MSH3: variants seen among roughly 807,000 people sequenced by gnomAD.
MSH3 encodes the protein DNA mismatch repair protein Msh3.
Under a neutral mutation model 123.3 loss-of-function variants are expected in MSH3, and 106 were observed. That is an observed-to-expected ratio of 0.86 (90% CI 0.73 to 1.01). The LOEUF (loss-of-function observed/expected upper bound fraction) is 1.01. Among genes scored for constraint, MSH3 ranks in the 50% least tolerant of loss-of-function variants. The pLI is 0.00. For missense variants in MSH3, 1,459 were observed against 1,347.6 expected, an observed-to-expected ratio of 1.08 and a Z score of -1.29; for synonymous variants, 515 against 481.4, an observed-to-expected ratio of 1.07 and a Z score of -0.91.
chr5:80,815,778 A>G (rs1484249564), intron 20 of MSH3, among the ~76,000 whole-genome samples: 1 of 152,234 alleles, frequency 6.6e-6, no homozygotes, highest in East Asian at 1.9e-4. Flanking sequence ...CATAGTTGCA[A>G]GGAAAACAGA....
intron 20 of MSH3, among the ~76,000 whole-genome samples, chr5:80,843,233 C>T (rs920831092): frequency 2.6e-5 from 4 of 152,160 alleles, no homozygotes; most frequent in African/African-American, 9.7e-5. Flanking sequence ...TTGAAGCAGC[C>T]TTGCATCCCA....
intron 8 of MSH3, among the ~76,000 whole-genome samples, chr5:80,693,525 A>ATGTTTATATAAATATGCACATGTATG (rs1561446077): frequency 3.4e-5 from 5 of 146,622 alleles, no homozygotes; most frequent in Non-Finnish European, 6.0e-5. Flanking sequence ...GCACATGTAT[A>ATGTTTATATAAATATGCACATGTATG]TGTTTATATA....
rs6151635 is a variant in MSH3 at position 80,670,967 on chromosome 5, A to T, written c.792+658A>T. Among the ~76,000 whole-genome samples the T allele has an allele frequency of 3.9e-3, 588 of 152,078 alleles. 2 individuals are homozygous for T. The highest frequency in any genetic ancestry group is 0.024 in the Middle Eastern group (7 of 294). On this transcript the variant is annotated intron_variant, in intron 4 of 23. Coordinates refer to ENST00000265081, the MANE Select transcript of MSH3 (RefSeq NM_002439.5). ...AAACCGCATCTCTACTAAAAATATT[A>T]AAAAAATTAGCCCGGTGTGGTGGTG...
chr5:80,725,102 T>C (rs1165951196), intron 8 of MSH3, among the ~76,000 whole-genome samples: 1 of 151,262 alleles, frequency 6.6e-6, no homozygotes, highest in Admixed American at 6.6e-5. Flanking sequence ...TAGCTTCAGC[T>C]ACTCGGGAGG....
chr5:80,800,597 C>T (rs2112036294), intron 19 of MSH3, among the ~76,000 whole-genome samples: 1 of 152,276 alleles, frequency 6.6e-6, no homozygotes, highest in East Asian at 1.9e-4. Context: ...ATCTTGGGAA[C>T]CGTGGAAACA....
At chr5:80,754,942 T>C (rs183312211) in intron 12 of MSH3, among the ~76,000 whole-genome samples, 1 of 152,320 alleles carries the variant, frequency 6.6e-6, no homozygotes, top group East Asian at 1.9e-4. Context: ...CTTTTAACTC[T>C]GGAACTTCTA....
chr5:80,836,390 AG>A (rs1455103672), intron 20 of MSH3, among the ~76,000 whole-genome samples: 1 of 152,110 alleles, frequency 6.6e-6, no homozygotes, highest in Non-Finnish European at 1.5e-5. Flanking sequence ...GTTCTATGGG[AG>A]GGGAATCAGG....
rs762410227 is a variant in MSH3 at position 80,787,722 on chromosome 5, A to G, written c.2543+50A>G. ...TTATCAGTGCTTTAGATAAGATGAC[A>G]TTATTCAATTAATTATAGTGTCTTT... On this transcript the variant is annotated intron_variant, in intron 18 of 23. Coordinates refer to ENST00000265081, the MANE Select transcript of MSH3 (RefSeq NM_002439.5). The G allele has an allele frequency of 5.1e-6, 6 of 1,183,680 alleles. No individual in the cohort carries two copies. The Admixed American group carries it at 1.0e-4, about 20-fold the overall frequency. The allele number at this position is 1,183,680 out of a possible 1,614,324, so 73.3% of individuals were successfully genotyped here.
At chr5:80,836,327 A>G in intron 20 of MSH3, among the ~76,000 whole-genome samples, 1 of 152,186 alleles carries the variant, frequency 6.6e-6, no homozygotes. Context: ...TCTTATGTGC[A>G]AGACACTCTG....
chr5:80,681,050 T>C (rs1048223783), intron 8 of MSH3, among the ~76,000 whole-genome samples: 6 of 152,046 alleles, frequency 3.9e-5, no homozygotes, highest in African/African-American at 1.4e-4. Context: ...TTGCTAGAAA[T>C]GGTAATATCA....
At chr5:80,716,056 G>T (rs920688033) in intron 8 of MSH3, among the ~76,000 whole-genome samples, 1 of 152,164 alleles carries the variant, frequency 6.6e-6, no homozygotes, top group Non-Finnish European at 1.5e-5. Context: ...GAGGGGTAAC[G>T]TGCAGTAGGC....
intron 21 of MSH3, among the ~76,000 whole-genome samples, chr5:80,855,238 T>G (rs1383297848): frequency 6.6e-6 from 1 of 152,118 alleles, no homozygotes; most frequent in Admixed American, 6.6e-5. Flanking sequence ...TCTCTGGTCT[T>G]TCTTTCTGTT....
chr5:80,806,060 T>G (rs1744885113), intron 19 of MSH3, among the ~76,000 whole-genome samples: 1 of 152,208 alleles, frequency 6.6e-6, no homozygotes, highest in South Asian at 2.1e-4. Flanking sequence ...AAGTTTAATT[T>G]TCAAATTTCA....
At chr5:80,745,613 A>T (rs1243970102) in intron 12 of MSH3, among the ~76,000 whole-genome samples, 4 of 152,230 alleles carry the variant, frequency 2.6e-5, no homozygotes, top group African/African-American at 9.6e-5. Flanking sequence ...GCTAGACCAG[A>T]GTGAATATGG....
chr5:80,793,669 C>A (rs145358768), intron 19 of MSH3, among the ~76,000 whole-genome samples: 23 of 152,194 alleles, frequency 1.5e-4, no homozygotes, highest in Non-Finnish European at 2.9e-4. Context: ...ATTCGAGGAA[C>A]TGAAAGATGA....
chr5:80,781,475 GTTC>G (rs1744408065), intron 17 of MSH3, among the ~76,000 whole-genome samples: 1 of 146,586 alleles, frequency 6.8e-6, no homozygotes, highest in South Asian at 2.2e-4. Flanking sequence ...CTGTTACCAA[GTTC>G]TTTTTTTTTT....
intron 2 of MSH3, among the ~76,000 whole-genome samples, chr5:80,662,113 C>T (rs1202102426): frequency 6.6e-6 from 1 of 152,176 alleles, no homozygotes; most frequent in East Asian, 1.9e-4. Flanking sequence ...GGTATTTTTG[C>T]TGTACCATTT....
Position 80,658,037 on chromosome 5 carries a change from C to CTTTTT in MSH3, c.358+1515_358+1519dup, listed in dbSNP as rs397942439. 4.8e-3 allele frequency among the ~76,000 whole-genome samples: 561 copies of CTTTTT among 116,614 alleles called. 42 individuals are homozygous for CTTTTT. Among genetic ancestry groups the CTTTTT allele is most frequent in the Middle Eastern group, 0.022 (5 of 228 alleles). 76.5% of individuals were successfully genotyped at this position (116,614 alleles called of 152,430 possible). On this transcript the variant is annotated intron_variant, in intron 2 of 23. Transcript: ENST00000265081. ...TTTTCCTAAGAATGCTTTTTGCCCTCTTTTTTTTTTTTTGAGATAGGGTCT... is the reference window on the plus strand; with the variant it reads ...TTTTCCTAAGAATGCTTTTTGCCCTCTTTTTTTTTTTTTTTTTTGAGATAGGGTCT...
intron 8 of MSH3, among the ~76,000 whole-genome samples, chr5:80,695,298 C>T (rs534131400): frequency 1.3e-5 from 2 of 151,578 alleles, no homozygotes; most frequent in East Asian, 3.9e-4. Context: ...TGAGTGCATC[C>T]ACTGTTATTA....
Sources: allele counts gnomAD v4.1 joint callset (sites outside exome capture counted in the v4.1 genomes callset), GRCh38; gene constraint gnomAD v4.1.1; transcripts MANE v1.5; gene names NCBI Gene and HGNC (gene_info 2026-07-23, HGNC 2026-07-21).